Variants in NEGR1 observed in about 807,000 individuals in gnomAD.
The protein encoded by NEGR1 is IgLON family member 4.
In NEGR1, 10 loss-of-function variants were observed where a neutral mutation model predicts 40.9. That is an observed-to-expected ratio of 0.24 (90% CI 0.15 to 0.42). The LOEUF (loss-of-function observed/expected upper bound fraction) is 0.42, where lower values mean the gene tolerates loss of function less well. Among genes scored for constraint, NEGR1 ranks in the 10% least tolerant of loss-of-function variants. The pLI is 1.00. For synonymous variants in NEGR1, 185 were observed against 166.8 expected (o/e 1.11, Z -0.84); for missense variants, 352 against 438.9 (o/e 0.80, Z 1.77).
chr1:71,471,647 A>C (rs754287244), intron 6 of NEGR1, among the ~76,000 whole-genome samples: 1 of 96,758 alleles, frequency 1.0e-5, no homozygotes, highest in Non-Finnish European at 2.2e-5. Context: ...ACAAAACAAA[A>C]CAAAACAACA....
intron 2 of NEGR1, among the ~76,000 whole-genome samples, chr1:71,850,535 C>A (rs914523576): frequency 6.6e-6 from 1 of 152,072 alleles, no homozygotes; most frequent in Non-Finnish European, 1.5e-5. Context: ...ACATTTTATG[C>A]TTTACAAATT....
chr1:71,768,364 G>C (rs892931670), intron 3 of NEGR1, among the ~76,000 whole-genome samples: 1 of 152,138 alleles, frequency 6.6e-6, no homozygotes, highest in African/African-American at 2.4e-5. Context: ...TGGAGTCAAA[G>C]GAGATTATTT....
intron 6 of NEGR1, among the ~76,000 whole-genome samples, chr1:71,587,334 C>T (rs1005518154): frequency 6.6e-6 from 1 of 152,146 alleles, no homozygotes; most frequent in Non-Finnish European, 1.5e-5. Flanking sequence ...TTACATTACT[C>T]TCTCTTACTT....
intron 6 of NEGR1, among the ~76,000 whole-genome samples, chr1:71,500,101 T>A (rs530389303): frequency 2.5e-4 from 38 of 152,216 alleles, no homozygotes; most frequent in African/African-American, 9.1e-4. Context: ...TTCTTTATGA[T>A]CTCTCTCCTC....
chr1:71,616,609 C>T (rs1650454596), intron 4 of NEGR1, among the ~76,000 whole-genome samples: 1 of 152,178 alleles, frequency 6.6e-6, no homozygotes, highest in Non-Finnish European at 1.5e-5. Context: ...AGTTGAGGTA[C>T]TTCAATTGCA....
intron 1 of NEGR1, among the ~76,000 whole-genome samples, chr1:71,989,286 A>G (rs550670452): frequency 6.6e-6 from 1 of 152,344 alleles, no homozygotes; most frequent in Admixed American, 6.5e-5. Context: ...CCACTCCCAC[A>G]GATGCTCAGT....
At chr1:71,525,342 C>T (rs944339389) in intron 6 of NEGR1, among the ~76,000 whole-genome samples, 6 of 151,662 alleles carry the variant, frequency 4.0e-5, no homozygotes, top group African/African-American at 1.2e-4. Context: ...TTTCCACCAG[C>T]CTTTGTTTCC....
chr1:71,931,736 A>T (rs1645857150), intron 2 of NEGR1, among the ~76,000 whole-genome samples: 1 of 152,134 alleles, frequency 6.6e-6, no homozygotes, highest in Admixed American at 6.6e-5. Flanking sequence ...TTTCCAACAC[A>T]TGAACTTTGG....
intron 1 of NEGR1, among the ~76,000 whole-genome samples, chr1:72,032,023 G>C (rs532856415): frequency 3.9e-5 from 6 of 152,082 alleles, no homozygotes; most frequent in Admixed American, 2.0e-4. Context: ...TGAGGAAGTC[G>C]CTTACCCAAA....
chr1:71,882,444 A>C (rs1462391069), intron 2 of NEGR1, among the ~76,000 whole-genome samples: 7 of 152,084 alleles, frequency 4.6e-5, no homozygotes, highest in Non-Finnish European at 8.8e-5. Context: ...TGAGGGAAGA[A>C]TGGACTTCCT....
At chr1:71,545,521 T>C (rs145544401) in intron 6 of NEGR1, among the ~76,000 whole-genome samples, 21 of 151,844 alleles carry the variant, frequency 1.4e-4, no homozygotes, top group African/African-American at 5.1e-4. Context: ...TCTGTCTTTC[T>C]ATCTATGTCT....
intron 2 of NEGR1, among the ~76,000 whole-genome samples, chr1:71,858,179 C>T (rs993643909): frequency 1.3e-5 from 2 of 152,048 alleles, no homozygotes; most frequent in African/African-American, 4.8e-5. Flanking sequence ...GGTCTATAGC[C>T]TAGAGAGCTA....
intron 6 of NEGR1, among the ~76,000 whole-genome samples, chr1:71,467,794 T>C (rs1646756731): frequency 6.6e-6 from 1 of 152,048 alleles, no homozygotes; most frequent in South Asian, 2.1e-4. Context: ...GACTTATATA[T>C]AGCACATTTA....
chr1:71,855,635 A>G (rs142315405), intron 2 of NEGR1, among the ~76,000 whole-genome samples: 1 of 152,192 alleles, frequency 6.6e-6, no homozygotes, highest in Non-Finnish European at 1.5e-5. Flanking sequence ...TACAGTAACC[A>G]TAGCTTTGAA....
chr1:71,823,368 A>G (rs1291143978), intron 2 of NEGR1, among the ~76,000 whole-genome samples: 1 of 151,964 alleles, frequency 6.6e-6, no homozygotes, highest in Non-Finnish European at 1.5e-5. Flanking sequence ...CACCATATCC[A>G]TGATAACCTT....
chr1:71,815,768 A>G (rs1658182267), intron 2 of NEGR1, among the ~76,000 whole-genome samples: 1 of 152,044 alleles, frequency 6.6e-6, no homozygotes, highest in South Asian at 2.1e-4. Context: ...AGAGGAAACA[A>G]TTCTTTAGCC....
chr1:71,515,199 G>A (rs1647112773), intron 6 of NEGR1, among the ~76,000 whole-genome samples: 1 of 11,552 alleles, frequency 8.7e-5, no homozygotes, highest in African/African-American at 3.2e-4. Flanking sequence ...GCAGGCCAAC[G>A]TTCAGATTCA....
At chr1:71,607,677 T>C (rs1404427298) in intron 5 of NEGR1, among the ~76,000 whole-genome samples, 1 of 152,164 alleles carries the variant, frequency 6.6e-6, no homozygotes, top group East Asian at 1.9e-4. Context: ...TAGACAGCTT[T>C]TTATTTATTT....
intron 3 of NEGR1, among the ~76,000 whole-genome samples, chr1:71,759,154 T>C (rs1655846727): frequency 6.6e-6 from 1 of 152,142 alleles, no homozygotes; most frequent in African/African-American, 2.4e-5. Context: ...TGGTAGTACC[T>C]AATGTTCCTT....
Sources: gnomAD v4.1 joint callset for allele counts (sites outside exome capture counted in the v4.1 genomes callset) on GRCh38, gnomAD v4.1.1 for gene constraint, MANE v1.5 for transcripts, NCBI Gene and HGNC (gene_info 2026-07-23, HGNC 2026-07-21) for gene names.